The following ITPRID1 variants were observed in gnomAD, a reference collection of about 807,000 sequenced individuals.
The protein encoded by ITPRID1 is ITPR interacting domain containing 1.
ITPRID1 carries 96 observed loss-of-function variants against 95.4 expected under a neutral mutation model. The ratio of observed to expected loss-of-function variants is 1.01; its 90% CI spans 0.85 to 1.19. The LOEUF (loss-of-function observed/expected upper bound fraction) is 1.19, where lower values mean the gene tolerates loss of function less well. Ranked by LOEUF, ITPRID1 falls within the 50% of genes most tolerant of loss-of-function variation. ITPRID1 has a pLI of 0.00. For missense variants in ITPRID1, 1,339 were observed against 1,252.9 expected, an observed-to-expected ratio of 1.07 and a Z score of -1.04; for synonymous variants, 510 against 453.6, an observed-to-expected ratio of 1.12 and a Z score of -1.58.
chr7:31,657,230 C>T (rs931781746), downstream of ITPRID1, among the ~76,000 whole-genome samples: 1 of 38,062 alleles, frequency 2.6e-5, no homozygotes, highest in African/African-American at 1.0e-4. Context: ...GCTCTGGCAA[C>T]CATTAAGGGA....
At position 31,538,074 on chromosome 7, in the gene ITPRID1, C is replaced by T. The variant is rs188924040; in HGVS notation, c.-97-11352C>T. On this transcript the variant is annotated intron_variant, in intron 1 of 14. Coordinates refer to ENST00000615280, the MANE Select transcript of ITPRID1 (RefSeq NM_001257967.3). ...TTTTTCTAAACTTTTGCTCTAACAGCGAAGACTGGACTGATCTTCAGAAAT... is the reference window on the plus strand; with the variant it reads ...TTTTTCTAAACTTTTGCTCTAACAGTGAAGACTGGACTGATCTTCAGAAAT... Among the ~76,000 whole-genome samples, 443 of 152,212 alleles carry T rather than the reference C, an allele frequency of 2.9e-3. 2 individuals are homozygous for T. Among genetic ancestry groups the T allele is most frequent in the African/African-American group, 5.4e-3 (225 of 41,524 alleles).
intron 1 of ITPRID1, among the ~76,000 whole-genome samples, chr7:31,546,225 CT>C (rs1314867904): frequency 4.6e-5 from 7 of 152,014 alleles, no homozygotes; most frequent in Non-Finnish European, 7.4e-5. Context: ...AAATAAATTA[CT>C]TTTTTGTTTC....
intron 10 of ITPRID1, among the ~76,000 whole-genome samples, chr7:31,604,106 C>T (rs1188377034): frequency 6.6e-6 from 1 of 151,252 alleles, no homozygotes; most frequent in Non-Finnish European, 1.5e-5. Flanking sequence ...AGCCATCTGT[C>T]AGCTAAGGGC....
chr7:31,571,775 G>A (rs1373502894), intron 6 of ITPRID1, among the ~76,000 whole-genome samples: 2 of 152,144 alleles, frequency 1.3e-5, no homozygotes, highest in East Asian at 3.9e-4. Flanking sequence ...ACTTCTTCCT[G>A]AAAGTTGGTG....
rs527641198 is a variant in ITPRID1, at chr7:31,549,098, A to G, written c.-97-328A>G. On this transcript the variant is annotated intron_variant, in intron 1 of 14. Coordinates refer to ENST00000615280, the MANE Select transcript of ITPRID1 (RefSeq NM_001257967.3). ...GCAGAATGCCTCGGGCTGTTCTCCC[A>G]TTATGCAGTTCTCTTCTTGGCCACC... Among the ~76,000 whole-genome samples, 36 of 152,270 alleles carry G rather than the reference A, an allele frequency of 2.4e-4. 1 individual carries two copies. The highest frequency in any genetic ancestry group is 8.4e-4 in the African/African-American group (35 of 41,564).
chr7:31,642,125 C>A, intron 10 of ITPRID1, 51 bp from the exon 11 acceptor site: 1 of 1,369,552 alleles, frequency 7.3e-7, no homozygotes, highest in Non-Finnish European at 1.0e-6. Context: ...CCAAGTCCTG[C>A]TGGCTGCGTG....
chr7:31,638,779 G>A (rs370653023), intron 10 of ITPRID1, among the ~76,000 whole-genome samples: 195 of 151,876 alleles, frequency 1.3e-3, no homozygotes, highest in Non-Finnish European at 1.4e-3. Flanking sequence ...TTTGTTTTTC[G>A]TTTGTTTGTT....
At chr7:31,605,089 A>G (rs2128161624) in intron 10 of ITPRID1, among the ~76,000 whole-genome samples, 1 of 152,112 alleles carries the variant, frequency 6.6e-6, no homozygotes, top group South Asian at 2.1e-4. Context: ...AGTAAACCGA[A>G]ATCGTGCCAC....
chr7:31,586,070 A>C (rs1785590532), intron 10 of ITPRID1, among the ~76,000 whole-genome samples: 1 of 142,838 alleles, frequency 7.0e-6, no homozygotes, highest in Non-Finnish European at 1.5e-5. Flanking sequence ...GTTCCCACCT[A>C]TGAGTGAGAA....
In ITPRID1 at chr7:31,574,402, C is replaced by A. The variant is rs537826668; in HGVS notation, c.396-138C>A. 9 of 728,472 alleles carry A rather than the reference C, an allele frequency of 1.2e-5. No individual in the cohort carries two copies. In the East Asian group the frequency reaches 1.8e-4, roughly 14 times the overall value. The allele number at this position is 728,472 out of a possible 1,614,324, so 45.1% of individuals were successfully genotyped here. On this transcript the variant is annotated intron_variant, in intron 7 of 14. Coordinates refer to ENST00000615280, the MANE Select transcript of ITPRID1 (RefSeq NM_001257967.3). Reference sequence around the variant, plus strand: ...AGTCCTTTAAGTAAGTATATAGGAACGCTAGTGCACGCACCGTTTGTCTAT... The same window carrying A: ...AGTCCTTTAAGTAAGTATATAGGAAAGCTAGTGCACGCACCGTTTGTCTAT...
chr7:31,629,726 G>A (rs538388376), intron 10 of ITPRID1, among the ~76,000 whole-genome samples: 1 of 152,104 alleles, frequency 6.6e-6, no homozygotes, highest in Non-Finnish European at 1.5e-5. Context: ...GTGCATAGTT[G>A]TATTTTAAAG....
rs1371487600 is a variant in ITPRID1 at position 31,643,636 on chromosome 7, CA to C, written c.2267del (p.Gln756ArgfsTer2). 2 of 1,614,046 alleles carry C rather than the reference CA, an allele frequency of 1.2e-6. No individual in the cohort carries two copies. Among genetic ancestry groups the C allele is most frequent in the East Asian group, 2.2e-5 (1 of 44,876 alleles). On this transcript the variant is annotated frameshift_variant, in exon 12 of 15. Transcript: ENST00000615280. LOFTEE classifies it high-confidence loss of function. ...TETRLGTKAR[Q>X]LNDASIQTSA... ...AACAAGACTGGGGACAAAAGCAAGA[CA>C]GTTAAATGATGCTTCCATTCAGACT... is the stretch of plus-strand genomic sequence containing the variant.
At chr7:31,650,252 A>C (rs1282039125) in intron 12 of ITPRID1, among the ~76,000 whole-genome samples, 1 of 152,184 alleles carries the variant, frequency 6.6e-6, no homozygotes, top group Non-Finnish European at 1.5e-5. Context: ...TGGCGAAAGC[A>C]AACAGTAAAT....
chr7:31,610,755 T>C (rs183975403), intron 10 of ITPRID1, among the ~76,000 whole-genome samples: 10 of 151,768 alleles, frequency 6.6e-5, no homozygotes, highest in Admixed American at 5.9e-4. Context: ...TGATATGATA[T>C]AGTATATAAA....
At chr7:31,514,272 T>C (rs1015218793) in intron 1 of ITPRID1, 152 bp downstream of exon 1, 1 of 152,166 alleles carries the variant, frequency 6.6e-6, no homozygotes, top group Admixed American at 6.5e-5. Flanking sequence ...TCCATGATCA[T>C]TTCAAAAAAG....
chr7:31,639,421 A>T (rs1219421585), intron 10 of ITPRID1, among the ~76,000 whole-genome samples: 2 of 100,250 alleles, frequency 2.0e-5, no homozygotes, highest in East Asian at 5.9e-4. Flanking sequence ...TTTCATCTCT[A>T]GACATTCAAT....
At chr7:31,545,798 A>G (rs1402699015) in intron 1 of ITPRID1, among the ~76,000 whole-genome samples, 2 of 152,028 alleles carry the variant, frequency 1.3e-5, no homozygotes, top group Non-Finnish European at 2.9e-5. Flanking sequence ...GTGTTGACAG[A>G]ACACTCTATT....
chr7:31,621,173 A>T (rs1246481471), intron 10 of ITPRID1, among the ~76,000 whole-genome samples: 1 of 152,222 alleles, frequency 6.6e-6, no homozygotes, highest in Admixed American at 6.5e-5. Context: ...ACCAAACTGG[A>T]AAACAATCTG....
At chr7:31,545,399 T>C (rs1784064341) in intron 1 of ITPRID1, among the ~76,000 whole-genome samples, 4 of 151,662 alleles carry the variant, frequency 2.6e-5, no homozygotes, top group Admixed American at 2.6e-4. Context: ...GCAAAGCAAA[T>C]GTTGAGAAGG....
Sources: gnomAD v4.1 joint callset for allele counts (sites outside exome capture counted in the v4.1 genomes callset) on GRCh38, gnomAD v4.1.1 for gene constraint, MANE v1.5 for transcripts, NCBI Gene and HGNC (gene_info 2026-07-23, HGNC 2026-07-21) for gene names.